Variants in NRG1 observed in about 807,000 individuals in gnomAD.
The protein encoded by NRG1 is pro-neuregulin-1, membrane-bound isoform.
Under a neutral mutation model 63.8 loss-of-function variants are expected in NRG1, and 18 were observed. That is an observed-to-expected ratio of 0.28 (90% CI 0.19 to 0.42). The LOEUF (loss-of-function observed/expected upper bound fraction) is 0.42, where lower values mean the gene tolerates loss of function less well. NRG1 is among the 10% of genes least tolerant of loss of function. The probability of loss-of-function intolerance (pLI) is 1.00; values close to 1 mark genes in which losing one functional copy is unlikely to be tolerated. For synonymous variants in NRG1, 302 were observed against 301.3 expected (o/e 1.00, Z -0.02); for missense variants, 762 against 814.7 (o/e 0.94, Z 0.79).
At chr8:32,466,023 CA>C (rs1208451421) in intron 1 of NRG1, among the ~76,000 whole-genome samples, 1 of 152,038 alleles carries the variant, frequency 6.6e-6, no homozygotes, top group African/African-American at 2.4e-5. Flanking sequence ...TCTATATGTT[CA>C]AAACTTTCAT....
chr8:31,950,164 A>G (rs1457268618), intron 1 of NRG1, among the ~76,000 whole-genome samples: 1 of 152,224 alleles, frequency 6.6e-6, no homozygotes, highest in African/African-American at 2.4e-5. Context: ...AAGACCCAAG[A>G]TAGAACAGGG....
chr8:31,690,573 G>A (rs1809393097), intron 1 of NRG1, among the ~76,000 whole-genome samples: 1 of 152,178 alleles, frequency 6.6e-6, no homozygotes, highest in Non-Finnish European at 1.5e-5. Flanking sequence ...GGTGGGAGGT[G>A]ATCCGAGAGA....
upstream of NRG1, among the ~76,000 whole-genome samples, chr8:32,546,232 T>C (rs1316111042): frequency 6.6e-6 from 1 of 152,156 alleles, no homozygotes; most frequent in Non-Finnish European, 1.5e-5. Flanking sequence ...TAAGCTGTTT[T>C]GTTGAAGCAA....
chr8:32,011,336 A>C (rs1381150919), intron 1 of NRG1, among the ~76,000 whole-genome samples: 1 of 152,082 alleles, frequency 6.6e-6, no homozygotes, highest in Non-Finnish European at 1.5e-5. Flanking sequence ...ATCCTTCAAG[A>C]GGCTGGTTCC....
intron 1 of NRG1, among the ~76,000 whole-genome samples, chr8:31,855,358 A>G (rs946551237): frequency 2.0e-5 from 3 of 152,080 alleles, no homozygotes; most frequent in Non-Finnish European, 2.9e-5. Context: ...TCCCTTTACC[A>G]TTATGTAATG....
At chr8:32,675,723 CA>C (rs1750576992) in intron 5 of NRG1, among the ~76,000 whole-genome samples, 2 of 151,938 alleles carry the variant, frequency 1.3e-5, no homozygotes, top group Admixed American at 6.6e-5. Context: ...TATGGGTGAC[CA>C]GGGGGATTGT....
At chr8:32,216,990 A>T (rs1845298326) in intron 1 of NRG1, among the ~76,000 whole-genome samples, 1 of 151,892 alleles carries the variant, frequency 6.6e-6, no homozygotes, top group African/African-American at 2.4e-5. Context: ...AGGCGGGAGG[A>T]TCTCTTGAGA....
chr8:32,041,665 T>C (rs1820064282), intron 1 of NRG1, among the ~76,000 whole-genome samples: 1 of 152,172 alleles, frequency 6.6e-6, no homozygotes, highest in South Asian at 2.1e-4. Flanking sequence ...ATAAGGAGCC[T>C]AAAGGGCTTT....
At chr8:32,407,331 A>G (rs1216092602) in intron 1 of NRG1, among the ~76,000 whole-genome samples, 1 of 108,098 alleles carries the variant, frequency 9.3e-6, no homozygotes, top group Non-Finnish European at 1.9e-5. Flanking sequence ...ATATATATAT[A>G]TGGCCAACCA....
At chr8:32,096,248 G>T (rs938997337) in intron 1 of NRG1, among the ~76,000 whole-genome samples, 10 of 152,320 alleles carry the variant, frequency 6.6e-5, no homozygotes, top group African/African-American at 1.9e-4. Flanking sequence ...TCTGTAAGAA[G>T]ATACCAGAAG....
chr8:32,660,818 G>A lies in NRG1; in HGVS notation c.502+43933G>A, dbSNP rs557456972. On this transcript the variant is annotated intron_variant, in intron 5 of 11. Coordinates refer to ENST00000356819, the Ensembl canonical transcript of NRG1. Reference sequence around the variant, plus strand: ...TTTGGAATAGTCTCTGGCTCATAGCGCTATATAAGCATGAGCTGTCGTTAC... The same window carrying A: ...TTTGGAATAGTCTCTGGCTCATAGCACTATATAAGCATGAGCTGTCGTTAC... Among the ~76,000 whole-genome samples, 6 of 152,280 alleles carry A rather than the reference G, an allele frequency of 3.9e-5. 1 individual carries two copies. The South Asian group carries it at 8.3e-4, about 21-fold the overall frequency.
intron 1 of NRG1, chr8:32,442,769 C>T (rs929803999): frequency 5.3e-5 from 8 of 152,146 alleles, no homozygotes; most frequent in African/African-American, 1.9e-4. Context: ...ATTGAATCAA[C>T]TGTTTTTCAG....
intron 1 of NRG1, among the ~76,000 whole-genome samples, chr8:31,752,808 G>A (rs1157079011): frequency 2.0e-5 from 3 of 152,094 alleles, no homozygotes; most frequent in South Asian, 4.1e-4. Flanking sequence ...GGTAATTTTT[G>A]TTTATAAGAT....
intron 1 of NRG1, among the ~76,000 whole-genome samples, chr8:32,290,064 G>C (rs1043110779): frequency 1.3e-5 from 2 of 151,982 alleles, no homozygotes; most frequent in Non-Finnish European, 2.9e-5. Flanking sequence ...AACACAGGAG[G>C]ACCCTGTCTC....
intron 1 of NRG1, among the ~76,000 whole-genome samples, chr8:31,701,974 T>C (rs1036546113): frequency 6.6e-6 from 1 of 152,186 alleles, no homozygotes; most frequent in Non-Finnish European, 1.5e-5. Context: ...GAGCCCCACC[T>C]AACCTATTGA....
chr8:32,299,817 C>T (rs541585024), intron 1 of NRG1, among the ~76,000 whole-genome samples: 3 of 152,078 alleles, frequency 2.0e-5, no homozygotes, highest in Non-Finnish European at 4.4e-5. Flanking sequence ...TGGGAAAAAC[C>T]CACTGCCATG....
chr8:32,658,791 C>A (rs917815993), intron 5 of NRG1, among the ~76,000 whole-genome samples: 3 of 152,134 alleles, frequency 2.0e-5, no homozygotes, highest in East Asian at 1.9e-4. Flanking sequence ...TGGTCTCCTG[C>A]AGGTTTAAAA....
chr8:32,426,525 G>A (rs1817394222), intron 1 of NRG1, among the ~76,000 whole-genome samples: 2 of 152,110 alleles, frequency 1.3e-5, no homozygotes, highest in African/African-American at 4.8e-5. Context: ...AAGAACTTCA[G>A]GTTGATTTAT....
At chr8:32,091,483 T>C (rs1481070062) in intron 1 of NRG1, among the ~76,000 whole-genome samples, 2 of 152,146 alleles carry the variant, frequency 1.3e-5, no homozygotes, top group African/African-American at 4.8e-5. Context: ...ACATTTTTAC[T>C]TTCTCTCATC....
Sources: gnomAD v4.1 joint callset for allele counts (sites outside exome capture counted in the v4.1 genomes callset) on GRCh38, gnomAD v4.1.1 for gene constraint, MANE v1.5 for transcripts, NCBI Gene and HGNC (gene_info 2026-07-23, HGNC 2026-07-21) for gene names.